Variants in GSAP observed in about 807,000 individuals in gnomAD.
GSAP encodes the protein gamma-secretase-activating protein.
Under a neutral mutation model 131.7 loss-of-function variants are expected in GSAP, and 118 were observed. That is an observed-to-expected ratio of 0.90 (90% CI 0.77 to 1.04). GSAP has a LOEUF of 1.04. Among genes scored for constraint, GSAP ranks in the 50% least tolerant of loss-of-function variants. The probability of loss-of-function intolerance (pLI) is 0.00; values close to 1 mark genes in which losing one functional copy is unlikely to be tolerated. For synonymous variants in GSAP, 381 were observed against 363.4 expected (o/e 1.05, Z -0.55); for missense variants, 1,019 against 1,013.2 (o/e 1.01, Z -0.08).
intron 6 of GSAP, among the ~76,000 whole-genome samples, chr7:77,384,232 G>A (rs1397541320): frequency 3.3e-5 from 5 of 152,214 alleles, no homozygotes; most frequent in African/African-American, 1.2e-4. Flanking sequence ...AGGTGGCCAG[G>A]GCATGCCTGC....
intron 6 of GSAP, among the ~76,000 whole-genome samples, chr7:77,385,566 C>T (rs1021971559): frequency 6.6e-6 from 1 of 152,078 alleles, no homozygotes; most frequent in East Asian, 1.9e-4. Flanking sequence ...AAGAACAGAC[C>T]AGAAAAGAGA....
At chr7:77,369,409 C>T (rs1050355123) in intron 12 of GSAP, among the ~76,000 whole-genome samples, 8 of 152,188 alleles carry the variant, frequency 5.3e-5, no homozygotes, top group South Asian at 2.1e-4. Flanking sequence ...CTCATGAGCA[C>T]GCCCATCCCT....
Position 77,323,885 on chromosome 7 carries a change from C to G in GSAP, c.1828-143G>C, listed in dbSNP as rs895823253. 1.7e-5 allele frequency: 9 copies of G among 517,974 alleles called. 1 individual carries two copies. In the East Asian group the frequency reaches 3.0e-4, roughly 17 times the overall value. The allele number at this position is 517,974 out of a possible 1,614,324, so 32.1% of individuals were successfully genotyped here. A position where few individuals can be genotyped will look rare whatever the true frequency, so the allele number is the denominator to read the frequency against. On this transcript the variant is annotated intron_variant, in intron 23 of 30. Coordinates refer to ENST00000257626, the MANE Select transcript of GSAP (RefSeq NM_017439.4). ...GTCCCATCAATGGAAATGCATAACT[C>G]TCAGTATTTCTCTGGTGAGCATAAA...
chr7:77,410,628 T>C (rs1351187537), intron 1 of GSAP, among the ~76,000 whole-genome samples: 2 of 152,222 alleles, frequency 1.3e-5, no homozygotes, highest in African/African-American at 4.8e-5. Context: ...GCATAGCTCT[T>C]GTAAAACAAA....
At chr7:77,311,515 T>G (rs1212006953) in intron 30 of GSAP, 66 bp from the exon 31 acceptor site, 1 of 790,060 alleles carries the variant, frequency 1.3e-6, no homozygotes, top group Admixed American at 2.1e-5. Flanking sequence ...ATTTATAACT[T>G]TGTGCTCACA....
intron 14 of GSAP, among the ~76,000 whole-genome samples, chr7:77,356,874 G>T (rs188479257): frequency 1.3e-5 from 2 of 152,308 alleles, no homozygotes; most frequent in African/African-American, 4.8e-5. Context: ...AAAGGGAAGA[G>T]GATATAGAAC....
In GSAP at chr7:77,311,443, T is replaced by C; in HGVS notation, c.2480A>G (p.Tyr827Cys). ...CACATTGTCATGTCCTTCAAAAGGA[T>C]ACAGGGCTGGAAAAAAATGGGGAGA... The part of the protein sequence containing the change: ...TDIESSNQAL[Y>C]PFEGHDNVDA... The change falls in exon 31 of 31, where the codon TAT becomes TGT. Residue 827 changes from tyrosine to cysteine, a missense_variant. Coordinates refer to ENST00000257626, the MANE Select transcript of GSAP (RefSeq NM_017439.4). The C allele has an allele frequency of 1.2e-6, 2 of 1,603,450 alleles. No individual in the cohort carries two copies. Among genetic ancestry groups the C allele is most frequent in the Non-Finnish European group, 1.7e-6 (2 of 1,170,766 alleles).
intron 13 of GSAP, among the ~76,000 whole-genome samples, chr7:77,362,148 A>G (rs762873392): frequency 5.9e-5 from 9 of 152,330 alleles, no homozygotes; most frequent in African/African-American, 2.2e-4. Context: ...TATATCCTGT[A>G]AGTATACAGA....
intron 3 of GSAP, among the ~76,000 whole-genome samples, chr7:77,400,161 C>G (rs777811340): frequency 1.1e-4 from 16 of 152,134 alleles, no homozygotes; most frequent in Non-Finnish European, 2.2e-4. Flanking sequence ...AACAAGGCAG[C>G]CTTCCCCCTT....
At chr7:77,382,374 C>T (rs1365143406) in intron 7 of GSAP, among the ~76,000 whole-genome samples, 200 bp downstream of exon 7, 1 of 152,146 alleles carries the variant, frequency 6.6e-6, no homozygotes, top group East Asian at 1.9e-4. Flanking sequence ...GATGAGAAAG[C>T]TGAACACAGC....
Position 77,360,855 on chromosome 7 carries a change from G to A in GSAP, c.996C>T (p.His332=), listed in dbSNP as rs764537269. The change falls in exon 14 of 31, where the codon CAC becomes CAT. Residue 332 remains histidine, a synonymous_variant. Transcript: ENST00000257626. ...TGAGAAAAGTAATGCCCTTTGTCAT[G>A]TGTGACCCAACATTCTCAAGAGAAG... ...FTTSLENVGS[H]MTKGITFLNL... 1 of 1,601,364 alleles carries A rather than the reference G, an allele frequency of 6.2e-7. No individual in the cohort carries two copies. Among genetic ancestry groups the A allele is most frequent in the South Asian group, 1.1e-5 (1 of 90,782 alleles).
intron 5 of GSAP, among the ~76,000 whole-genome samples, chr7:77,393,674 CTTT>C (rs773138759): frequency 3.0e-5 from 4 of 133,434 alleles, no homozygotes; most frequent in Admixed American, 7.7e-5. Context: ...TATATACTTT[CTTT>C]TTTTTTTTTT....
chr7:77,367,480 A>G (rs933156708), intron 12 of GSAP, among the ~76,000 whole-genome samples: 7 of 152,088 alleles, frequency 4.6e-5, no homozygotes, highest in African/African-American at 1.7e-4. Context: ...TTTGTCTTTA[A>G]TTCTGTTTAT....
At chr7:77,328,904 T>C (rs1191552279) in intron 21 of GSAP, among the ~76,000 whole-genome samples, 1 of 151,646 alleles carries the variant, frequency 6.6e-6, no homozygotes, top group Non-Finnish European at 1.5e-5. Flanking sequence ...GGACAGAAAA[T>C]AGAACAGAGG....
intron 6 of GSAP, among the ~76,000 whole-genome samples, chr7:77,385,832 T>C (rs1473980603): frequency 2.0e-5 from 3 of 152,038 alleles, no homozygotes; most frequent in East Asian, 1.9e-4. Flanking sequence ...AGGCTGGTAA[T>C]AGCTTGGGGG....
intron 14 of GSAP, among the ~76,000 whole-genome samples, chr7:77,358,048 T>C (rs1342801511): frequency 6.6e-6 from 1 of 152,162 alleles, no homozygotes; most frequent in Non-Finnish European, 1.5e-5. Flanking sequence ...AGGTAGGGTA[T>C]TATTTTTATT....
Position 77,409,713 on chromosome 7 carries a change from C to T in GSAP, c.110-3608G>A, listed in dbSNP as rs2190096. 1.1e-3 allele frequency among the ~76,000 whole-genome samples: 166 copies of T among 152,200 alleles called. 1 individual carries two copies. The highest frequency in any genetic ancestry group is 2.5e-3 in the East Asian group (13 of 5,184). Reference sequence around the variant, plus strand: ...AGATTATAAGTATGCGAGGAGAGATCGTCGCAAAAGTACAGTTAAAAGGTT... The same window carrying T: ...AGATTATAAGTATGCGAGGAGAGATTGTCGCAAAAGTACAGTTAAAAGGTT... On this transcript the variant is annotated intron_variant, in intron 1 of 30. Transcript: ENST00000257626.
chr7:77,398,434 C>T (rs187508256), intron 3 of GSAP, among the ~76,000 whole-genome samples: 28 of 152,184 alleles, frequency 1.8e-4, no homozygotes, highest in Non-Finnish European at 3.1e-4. Context: ...TAAGAAGAAT[C>T]TAATTCTAAA....
intron 26 of GSAP, among the ~76,000 whole-genome samples, chr7:77,316,884 C>CT (rs1287570599): frequency 6.6e-6 from 1 of 152,130 alleles, no homozygotes; most frequent in Non-Finnish European, 1.5e-5. Context: ...AATACAGTTC[C>CT]TTTTTTTAAA....
Sources: gnomAD v4.1 joint callset for allele counts (sites outside exome capture counted in the v4.1 genomes callset) on GRCh38, gnomAD v4.1.1 for gene constraint, MANE v1.5 for transcripts, NCBI Gene and HGNC (gene_info 2026-07-23, HGNC 2026-07-21) for gene names.